PLCB1: variants seen among roughly 807,000 people sequenced by gnomAD.
PLCB1 encodes the protein 1-phosphatidylinositol 4,5-bisphosphate phosphodiesterase beta-1.
Under a neutral mutation model 161.8 loss-of-function variants are expected in PLCB1, and 46 were observed. The ratio of observed to expected loss-of-function variants is 0.28; its 90% CI spans 0.22 to 0.36. The LOEUF (loss-of-function observed/expected upper bound fraction) is 0.36. PLCB1 is among the 10% of genes least tolerant of loss of function. The pLI, the probability that PLCB1 is intolerant of heterozygous loss-of-function variation, is 1.00. For missense variants in PLCB1, 1,016 were observed against 1,472.5 expected (o/e 0.69, Z 5.07); for synonymous variants, 517 against 503.7 (o/e 1.03, Z -0.35).
intron 2 of PLCB1, among the ~76,000 whole-genome samples, chr20:8,323,643 C>T (rs1239311362): frequency 2.0e-5 from 3 of 152,056 alleles, no homozygotes; most frequent in African/African-American, 7.2e-5. Context: ...GCTGTGTTGC[C>T]CTTCACAATC....
intron 2 of PLCB1, among the ~76,000 whole-genome samples, chr20:8,291,168 G>A (rs1264527888): frequency 6.6e-6 from 1 of 152,116 alleles, no homozygotes; most frequent in African/African-American, 2.4e-5. Flanking sequence ...TTTGTGTTTA[G>A]CATTGTCAAA....
chr20:8,462,564 T>G (rs1981626391), intron 3 of PLCB1, among the ~76,000 whole-genome samples: 1 of 152,228 alleles, frequency 6.6e-6, no homozygotes, highest in Non-Finnish European at 1.5e-5. Flanking sequence ...TCTTTAGAAC[T>G]GTTTTGCAGC....
intron 2 of PLCB1, among the ~76,000 whole-genome samples, chr20:8,215,478 T>A (rs1979071569): frequency 1.3e-5 from 2 of 151,864 alleles, no homozygotes; most frequent in South Asian, 4.2e-4. Context: ...GAAGCCATAG[T>A]ATGTTTTTGG....
intron 3 of PLCB1, among the ~76,000 whole-genome samples, chr20:8,589,420 A>T (rs1181456714): frequency 6.6e-6 from 1 of 152,116 alleles, no homozygotes; most frequent in African/African-American, 2.4e-5. Flanking sequence ...ATTACTGTAG[A>T]TTGGGTGGCT....
At chr20:8,302,622 C>T (rs1469101990) in intron 2 of PLCB1, among the ~76,000 whole-genome samples, 1 of 152,048 alleles carries the variant, frequency 6.6e-6, no homozygotes, top group African/African-American at 2.4e-5. Flanking sequence ...ATTTAAATAT[C>T]TAACTTTTTT....
chr20:8,427,852 A>C (rs1184223966), intron 3 of PLCB1, among the ~76,000 whole-genome samples: 5 of 152,172 alleles, frequency 3.3e-5, no homozygotes, highest in Admixed American at 3.3e-4. Flanking sequence ...GGAAAAACTG[A>C]ATGTTTCATA....
chr20:8,337,975 G>T (rs1461067153), intron 2 of PLCB1, among the ~76,000 whole-genome samples: 1 of 152,132 alleles, frequency 6.6e-6, no homozygotes, highest in South Asian at 2.1e-4. Flanking sequence ...TATGACCATT[G>T]CTGGAGACAA....
intron 31 of PLCB1, among the ~76,000 whole-genome samples, chr20:8,826,272 G>C (rs1283284444): frequency 6.6e-6 from 1 of 152,072 alleles, no homozygotes; most frequent in South Asian, 2.1e-4. Context: ...GAGGCGGGTG[G>C]ATCACGAGGT....
intron 31 of PLCB1, among the ~76,000 whole-genome samples, chr20:8,795,895 G>GAAAAA (rs1401580485): frequency 6.9e-6 from 1 of 145,196 alleles, no homozygotes; most frequent in Admixed American, 6.8e-5. Context: ...AAAAAAAAAA[G>GAAAAA]AAAAGAAAAC....
At chr20:8,781,445 CACAA>C (rs758600972) in intron 27 of PLCB1, among the ~76,000 whole-genome samples, 1,930 of 124,784 alleles carry the variant, frequency 0.015, 13 homozygotes, top group Middle Eastern at 0.028. Flanking sequence ...CACACACACA[CACAA>C]AGATCCAAAT....
At chr20:8,363,542 T>C (rs892045154) in intron 2 of PLCB1, among the ~76,000 whole-genome samples, 1 of 152,226 alleles carries the variant, frequency 6.6e-6, no homozygotes, top group African/African-American at 2.4e-5. Flanking sequence ...TAACTTTATG[T>C]TGTCTGATTG....
intron 12 of PLCB1, among the ~76,000 whole-genome samples, chr20:8,715,302 A>T (rs150107398): frequency 1.3e-5 from 2 of 152,328 alleles, no homozygotes; most frequent in Admixed American, 6.5e-5. Context: ...ATGTTCCCCT[A>T]TATCAGCTGT....
intron 3 of PLCB1, among the ~76,000 whole-genome samples, chr20:8,626,191 A>AG (rs1159205157): frequency 3.3e-5 from 5 of 151,038 alleles, no homozygotes; most frequent in South Asian, 4.2e-4. Context: ...AAAAAAAAAA[A>AG]AAAAGAAAAG....
intron 2 of PLCB1, among the ~76,000 whole-genome samples, chr20:8,269,326 C>A (rs772740219): frequency 1.4e-4 from 22 of 152,040 alleles, no homozygotes; most frequent in Non-Finnish European, 3.1e-4. Flanking sequence ...TGAGTGAGAA[C>A]ATGCAGTGTT....
At chr20:8,690,150 G>GTTT (rs201866634) in intron 10 of PLCB1, among the ~76,000 whole-genome samples, 1 of 42,270 alleles carries the variant, frequency 2.4e-5, no homozygotes, top group Admixed American at 1.6e-4. Context: ...TTTTGCTGTT[G>GTTT]TTTTTTTTTT....
intron 3 of PLCB1, among the ~76,000 whole-genome samples, chr20:8,391,795 A>ATGTG (rs1987604711): frequency 2.5e-5 from 3 of 120,060 alleles, no homozygotes; most frequent in South Asian, 4.8e-4. Flanking sequence ...GTATATATAT[A>ATGTG]TATATATATA....
At chr20:8,151,923 CT>C (rs2051512900) in intron 2 of PLCB1, among the ~76,000 whole-genome samples, 1 of 152,046 alleles carries the variant, frequency 6.6e-6, no homozygotes, top group Non-Finnish European at 1.5e-5. Flanking sequence ...TATTTATTTC[CT>C]TAATAAAGAA....
chr20:8,391,789 A>G (rs753406237), intron 3 of PLCB1, among the ~76,000 whole-genome samples: 4,179 of 26,486 alleles, frequency 0.16, 144 homozygotes, highest in East Asian at 0.44. Context: ...GTGTGTGTAT[A>G]TATATATATA....
intron 31 of PLCB1, among the ~76,000 whole-genome samples, chr20:8,870,229 A>G (rs561890274): frequency 3.9e-5 from 6 of 152,322 alleles, no homozygotes; most frequent in Non-Finnish European, 8.8e-5. Flanking sequence ...AGCCAGCCAT[A>G]TCCTTGAGAA....
Sources: gnomAD v4.1 joint callset for allele counts (sites outside exome capture counted in the v4.1 genomes callset) on GRCh38, gnomAD v4.1.1 for gene constraint, MANE v1.5 for transcripts, NCBI Gene and HGNC (gene_info 2026-07-23, HGNC 2026-07-21) for gene names.